The following CBFA2T3 variants were observed in gnomAD, a reference collection of about 807,000 sequenced individuals.
The protein encoded by CBFA2T3 is CBFA2/RUNX1 partner transcriptional co-repressor 3.
Under a neutral mutation model 58.6 loss-of-function variants are expected in CBFA2T3, and 31 were observed. The ratio of observed to expected loss-of-function variants is 0.53; its 90% CI spans 0.40 to 0.71. The LOEUF is 0.71. Among genes scored for constraint, CBFA2T3 ranks in the 30% least tolerant of loss-of-function variants. The pLI, the probability that CBFA2T3 is intolerant of heterozygous loss-of-function variation, is 0.00. For missense variants in CBFA2T3, 1,076 were observed against 963.1 expected (o/e 1.12, Z -1.55); for synonymous variants, 531 against 421.9 (o/e 1.26, Z -3.17).
At chr16:88,879,214 G>C (rs545572367) in intron 11 of CBFA2T3, 56 bp downstream of exon 11, 2 of 1,458,678 alleles carry the variant, frequency 1.4e-6, no homozygotes, top group East Asian at 4.6e-5. Flanking sequence ...GGGTGGCGTG[G>C]GACCGCACGG....
At chr16:88,929,619 T>C (rs541723196) in intron 1 of CBFA2T3, among the ~76,000 whole-genome samples, 2 of 151,624 alleles carry the variant, frequency 1.3e-5, no homozygotes, top group East Asian at 3.9e-4. Context: ...TACCCACATC[T>C]GCATCATCCA....
At chr16:88,973,347 A>G (rs1972705165) in intron 1 of CBFA2T3, among the ~76,000 whole-genome samples, 1 of 152,190 alleles carries the variant, frequency 6.6e-6, no homozygotes, top group African/African-American at 2.4e-5. Context: ...GCCACAGCCC[A>G]GGAACACCTG....
At chr16:88,912,351 A>C (rs1410305364) in intron 1 of CBFA2T3, among the ~76,000 whole-genome samples, 1 of 152,212 alleles carries the variant, frequency 6.6e-6, no homozygotes, top group Non-Finnish European at 1.5e-5. Flanking sequence ...CCAGATGGGG[A>C]CAGATGGGCT....
chr16:88,940,492 G>A (rs1255049756), intron 1 of CBFA2T3, among the ~76,000 whole-genome samples: 11 of 152,254 alleles, frequency 7.2e-5, no homozygotes, highest in South Asian at 2.1e-4. Flanking sequence ...CCACCCGGCT[G>A]TGCCGAGGCC....
chr16:88,967,433 C>T (rs1339133404), intron 1 of CBFA2T3, among the ~76,000 whole-genome samples: 2 of 152,082 alleles, frequency 1.3e-5, no homozygotes, highest in East Asian at 3.9e-4. Flanking sequence ...ATGCGTCCAC[C>T]TGTTCAGTTT....
At chr16:88,929,342 C>T (rs1208042785) in intron 1 of CBFA2T3, among the ~76,000 whole-genome samples, 1 of 152,216 alleles carries the variant, frequency 6.6e-6, no homozygotes, top group East Asian at 1.9e-4. Context: ...GAGGGCTGCT[C>T]CCACGGGCCT....
In CBFA2T3 at chr16:88,881,687, G is replaced by A. The variant is rs1275062169; in HGVS notation, c.1204-198C>T. 6 of 565,874 alleles carry A rather than the reference G, an allele frequency of 1.1e-5. No individual in the cohort carries two copies. In the Admixed American group the frequency reaches 1.9e-4, roughly 18 times the overall value. 35.1% of individuals were successfully genotyped at this position (565,874 alleles called of 1,614,324 possible). A position where few individuals can be genotyped will look rare whatever the true frequency, so the allele number is the denominator to read the frequency against. On this transcript the variant is annotated intron_variant, in intron 8 of 11. Transcript: ENST00000268679. ...CTAGCCTGGGACTGCCGAGCGCCTG[G>A]GGGTACCAGACTCACATGGACACGT...
chr16:88,937,088 G>A (rs1357207288), intron 1 of CBFA2T3: 3 of 152,264 alleles, frequency 2.0e-5, no homozygotes, highest in Non-Finnish European at 2.9e-5. Context: ...CCTGCCCGGT[G>A]GGCTGTTTCC....
Position 88,920,019 on chromosome 16 carries a change from C to T in CBFA2T3, c.152-18363G>A, listed in dbSNP as rs374460955. 3.3e-5 allele frequency among the ~76,000 whole-genome samples: 5 copies of T among 152,346 alleles called. No individual in the cohort carries two copies. In the East Asian group the frequency reaches 5.8e-4, roughly 18 times the overall value. On this transcript the variant is annotated intron_variant, in intron 1 of 11. Transcript: ENST00000268679. ...GCCAGTCTGTAAACCAGCAGCTTCC[C>T]GAGCACTCTGCTCAAGGATTCAACC... is the stretch of plus-strand genomic sequence containing the variant.
chr16:88,916,772 C>T lies in CBFA2T3; in HGVS notation c.152-15116G>A, dbSNP rs188148245. Among the ~76,000 whole-genome samples, 552 of 152,222 alleles carry T rather than the reference C, an allele frequency of 3.6e-3. 1 individual carries two copies. Among genetic ancestry groups the T allele is most frequent in the African/African-American group, 0.013 (530 of 41,518 alleles). On this transcript the variant is annotated intron_variant, in intron 1 of 11. Coordinates refer to ENST00000268679, the MANE Select transcript of CBFA2T3 (RefSeq NM_005187.6). ...TCTTGGCCACTGGCACAGGCCCCTC[C>T]TTGCTACAGCCCCTGGGGGTGAAGG...
intron 3 of CBFA2T3, among the ~76,000 whole-genome samples, chr16:88,895,320 C>T (rs774032549): frequency 7.9e-5 from 12 of 152,330 alleles, no homozygotes; most frequent in East Asian, 1.9e-4. Flanking sequence ...TCCCAGAAGC[C>T]GCCTGAGGCT....
chr16:88,933,001 G>A (rs1382420886), intron 1 of CBFA2T3, among the ~76,000 whole-genome samples: 1 of 152,060 alleles, frequency 6.6e-6, no homozygotes, highest in Non-Finnish European at 1.5e-5. Context: ...AAGAAAAATG[G>A]CCTCTTGGGC....
chr16:88,882,565 CAT>C lies in CBFA2T3; in HGVS notation c.1203+109_1203+110del, dbSNP rs1969155978. ...GTGCATGGGTGTGGCTGTGTGTGGG[CAT>C]GGCTGTGGGCGTGGCTGTGTGTGCA... On this transcript the variant is annotated intron_variant, in intron 8 of 11. Transcript: ENST00000268679. 19 of 378,132 alleles carry C rather than the reference CAT, an allele frequency of 5.0e-5. No homozygotes were observed. The East Asian group carries it at 2.1e-3, about 41-fold the overall frequency. 23.4% of individuals were successfully genotyped at this position (378,132 alleles called of 1,614,324 possible).
chr16:88,899,070 C>G (rs1333306093), intron 2 of CBFA2T3, among the ~76,000 whole-genome samples: 1 of 120,658 alleles, frequency 8.3e-6, no homozygotes, highest in African/African-American at 3.1e-5. Flanking sequence ...CCCCTCCCCA[C>G]CCCCCACCCC....
intron 1 of CBFA2T3, among the ~76,000 whole-genome samples, chr16:88,934,113 T>C (rs1971410376): frequency 6.6e-6 from 1 of 152,110 alleles, no homozygotes; most frequent in African/African-American, 2.4e-5. Context: ...CCACGCCCCT[T>C]CCCTGGCATG....
At chr16:88,911,837 G>A (rs539180980) in intron 1 of CBFA2T3, among the ~76,000 whole-genome samples, 9 of 152,358 alleles carry the variant, frequency 5.9e-5, no homozygotes, top group African/African-American at 2.2e-4. Context: ...CAGTGTTGGG[G>A]AAGGGGACCC....
At chr16:88,899,891 C>T (rs1970034201) in intron 2 of CBFA2T3, among the ~76,000 whole-genome samples, 1 of 152,178 alleles carries the variant, frequency 6.6e-6, no homozygotes, top group African/African-American at 2.4e-5. Flanking sequence ...CTCCCTCTAC[C>T]TATGTGGGCT....
intron 1 of CBFA2T3, among the ~76,000 whole-genome samples, chr16:88,906,476 GAAT>G (rs149591775): frequency 0.042 from 6,400 of 152,336 alleles, 182 homozygotes; most frequent in African/African-American, 0.079. Flanking sequence ...ACACGGAGGT[GAAT>G]AAGTCATCAA....
intron 7 of CBFA2T3, 74 bp downstream of exon 7, chr16:88,884,972 G>A: frequency 3.4e-6 from 4 of 1,167,068 alleles, no homozygotes; most frequent in Non-Finnish European, 3.6e-6. Flanking sequence ...GTGCCCACAT[G>A]CTCAGGTGTA....
Sources: allele counts gnomAD v4.1 joint callset (sites outside exome capture counted in the v4.1 genomes callset), GRCh38; gene constraint gnomAD v4.1.1; transcripts MANE v1.5; gene names NCBI Gene and HGNC (gene_info 2026-07-23, HGNC 2026-07-21).